Variants in KLHL18 observed in about 807,000 individuals in gnomAD.
KLHL18 encodes kelch like family member 18, also known as kelch-like protein 18.
Under a neutral mutation model 58.5 loss-of-function variants are expected in KLHL18, and 38 were observed. The observed-to-expected ratio is 0.65, with a 90% CI of 0.50 to 0.85. The LOEUF (loss-of-function observed/expected upper bound fraction) is 0.85, where lower values mean the gene tolerates loss of function less well. Ranked by LOEUF, KLHL18 falls within the 40% of genes least tolerant of loss-of-function variation. The pLI, the probability that KLHL18 is intolerant of heterozygous loss-of-function variation, is 0.00. For synonymous variants in KLHL18, 303 were observed against 301.9 expected (o/e 1.00, Z -0.04); for missense variants, 624 against 778.4 (o/e 0.80, Z 2.36).
intron 2 of KLHL18, among the ~76,000 whole-genome samples, chr3:47,320,615 C>T (rs771167433): frequency 2.6e-5 from 4 of 152,126 alleles, no homozygotes; most frequent in Non-Finnish European, 4.4e-5. Context: ...ATACCCATGG[C>T]AAGGTAGAAA....
At chr3:47,301,796 TTTC>T (rs373421325) in intron 1 of KLHL18, among the ~76,000 whole-genome samples, 173 of 152,280 alleles carry the variant, frequency 1.1e-3, no homozygotes, top group African/African-American at 3.8e-3. Context: ...TTTTGTTTTG[TTTC>T]TTCTTCTTCT....
chr3:47,330,390 C>T (rs1214444652), intron 4 of KLHL18, among the ~76,000 whole-genome samples: 1 of 152,108 alleles, frequency 6.6e-6, no homozygotes, highest in Non-Finnish European at 1.5e-5. Context: ...AAGATCATAG[C>T]TTACTGCAGC....
chr3:47,341,357 A>G (rs559683260), intron 8 of KLHL18, among the ~76,000 whole-genome samples: 2 of 152,314 alleles, frequency 1.3e-5, no homozygotes, highest in South Asian at 2.1e-4. Flanking sequence ...CACTTGACCA[A>G]TCTACTGTGG....
intron 1 of KLHL18, among the ~76,000 whole-genome samples, chr3:47,292,619 T>TA (rs1407836531): frequency 6.6e-6 from 1 of 151,028 alleles, no homozygotes; most frequent in East Asian, 2.0e-4. Context: ...CAAAATATGG[T>TA]ATATGGCTGG....
At chr3:47,300,687 TG>T (rs1703006364) in intron 1 of KLHL18, among the ~76,000 whole-genome samples, 2 of 114,418 alleles carry the variant, frequency 1.7e-5, no homozygotes, top group Non-Finnish European at 3.4e-5. Context: ...TTGCCCAGGC[TG>T]GGGTGCAATG....
rs527619705 is a variant in KLHL18 at position 47,307,998 on chromosome 3, T to G, written c.130-11655T>G. The stretch of plus-strand genomic sequence containing the variant: ...TGCCTACCTTATTCTTTTAAATTTT[T>G]GGGGGGGATTAATTTATCCCTACTG... On this transcript the variant is annotated intron_variant, in intron 1 of 9. Transcript: ENST00000232766. 1.4e-4 allele frequency among the ~76,000 whole-genome samples: 22 copies of G among 152,212 alleles called. No individual in the cohort carries two copies. In the East Asian group the frequency reaches 1.9e-3, roughly 13 times the overall value.
chr3:47,335,689 G>T (rs1438995825), intron 6 of KLHL18, among the ~76,000 whole-genome samples: 2 of 152,070 alleles, frequency 1.3e-5, no homozygotes, highest in Non-Finnish European at 2.9e-5. Context: ...TCTATTTTTA[G>T]TAGAGATGGG....
At position 47,336,298 on chromosome 3, in the gene KLHL18, A is replaced by T. The variant is rs1323882391; in HGVS notation, c.899-237A>T. Among the ~76,000 whole-genome samples the T allele has an allele frequency of 2.0e-4, 31 of 152,284 alleles. 1 individual carries two copies. Among genetic ancestry groups the T allele is most frequent in the Admixed American group, 2.0e-3 (31 of 15,302 alleles). On this transcript the variant is annotated intron_variant, in intron 6 of 9. Transcript: ENST00000232766. ...TAAGCAGGTGGAGTACCTGATTGTA[A>T]CTGAAAACTACCCTCTCTAAAAAAT...
intron 3 of KLHL18, among the ~76,000 whole-genome samples, chr3:47,326,583 G>A (rs1380629881): frequency 1.3e-5 from 2 of 151,734 alleles, no homozygotes; most frequent in East Asian, 1.9e-4. Flanking sequence ...GGCTCCCCAC[G>A]TCCCCCATCC....
At chr3:47,331,275 C>A (rs139832781) in intron 4 of KLHL18, among the ~76,000 whole-genome samples, 6 of 151,524 alleles carry the variant, frequency 4.0e-5, no homozygotes, top group Non-Finnish European at 8.8e-5. Context: ...TACAGGTGCC[C>A]GCTACCATGC....
At chr3:47,333,415 T>C in intron 5 of KLHL18, 98 bp downstream of exon 5, 9 of 1,219,072 alleles carry the variant, frequency 7.4e-6, no homozygotes, top group Non-Finnish European at 1.0e-5. Flanking sequence ...GCATTTAGAG[T>C]GATCAGTCTA....
chr3:47,343,459 T>G, intron 9 of KLHL18, 96 bp from the exon 10 acceptor site: 12 of 1,420,514 alleles, frequency 8.4e-6, no homozygotes, highest in Non-Finnish European at 1.2e-5. Context: ...CACAGGAGTT[T>G]GACATCATGG....
intron 4 of KLHL18, among the ~76,000 whole-genome samples, chr3:47,332,462 G>C (rs1703886475): frequency 6.6e-6 from 1 of 152,326 alleles, no homozygotes; most frequent in African/African-American, 2.4e-5. Flanking sequence ...CTAGAGAGGT[G>C]AAGCGGGCTT....
intron 1 of KLHL18, among the ~76,000 whole-genome samples, chr3:47,309,749 G>C (rs1036956667): frequency 6.6e-6 from 1 of 152,208 alleles, no homozygotes; most frequent in African/African-American, 2.4e-5. Flanking sequence ...TGCAATCCCG[G>C]CACCTCGGGA....
chr3:47,340,052 A>C (rs572066836), intron 7 of KLHL18, among the ~76,000 whole-genome samples: 5 of 152,336 alleles, frequency 3.3e-5, no homozygotes, highest in Admixed American at 3.3e-4. Flanking sequence ...CTGATTAAAA[A>C]TTACACACAG....
At chr3:47,311,412 G>A (rs1033284996) in intron 1 of KLHL18, among the ~76,000 whole-genome samples, 4 of 152,110 alleles carry the variant, frequency 2.6e-5, no homozygotes, top group South Asian at 2.1e-4. Context: ...CCAAGTATAG[G>A]CCAGGCGTGG....
At chr3:47,295,749 T>A (rs1702882564) in intron 1 of KLHL18, among the ~76,000 whole-genome samples, 1 of 149,698 alleles carries the variant, frequency 6.7e-6, no homozygotes, top group African/African-American at 2.5e-5. Flanking sequence ...AAAAAAAAAT[T>A]TTTTTTTTTT....
intron 1 of KLHL18, among the ~76,000 whole-genome samples, chr3:47,292,440 C>T (rs1373881565): frequency 6.6e-6 from 1 of 151,624 alleles, no homozygotes; most frequent in Non-Finnish European, 1.5e-5. Flanking sequence ...TGCCATTGCA[C>T]TCCAGCCTAG....
intron 3 of KLHL18, among the ~76,000 whole-genome samples, chr3:47,322,961 C>T (rs149358516): frequency 6.6e-6 from 1 of 152,300 alleles, no homozygotes; most frequent in Non-Finnish European, 1.5e-5. Flanking sequence ...TCTTCTGTTC[C>T]TCCCCCTCCG....
Sources: gnomAD v4.1 joint callset for allele counts (sites outside exome capture counted in the v4.1 genomes callset) on GRCh38, gnomAD v4.1.1 for gene constraint, MANE v1.5 for transcripts, NCBI Gene and HGNC (gene_info 2026-07-23, HGNC 2026-07-21) for gene names.